Variants in GPC6 observed in about 807,000 individuals in gnomAD.
GPC6 encodes glypican-6.
GPC6 carries 14 observed loss-of-function variants against 55.2 expected under a neutral mutation model. The observed-to-expected ratio is 0.25, with a 90% CI of 0.17 to 0.40. GPC6 has a LOEUF of 0.40. Among genes scored for constraint, GPC6 ranks in the 10% least tolerant of loss-of-function variants. GPC6 has a pLI of 1.00. For synonymous variants in GPC6, 278 were observed against 259.6 expected (o/e 1.07, Z -0.68); for missense variants, 641 against 708.5 (o/e 0.90, Z 1.08).
chr13:93,508,294 TGA>T (rs1205499732), intron 1 of GPC6, among the ~76,000 whole-genome samples: 2 of 152,152 alleles, frequency 1.3e-5, no homozygotes, highest in African/African-American at 4.8e-5. Context: ...AGGGGATGTG[TGA>T]GCAGGAATTA....
chr13:93,936,793 CTATAAAT>C (rs1326482143), intron 3 of GPC6, among the ~76,000 whole-genome samples: 1 of 152,172 alleles, frequency 6.6e-6, no homozygotes, highest in Non-Finnish European at 1.5e-5. Context: ...TTTTCAGATT[CTATAAAT>C]TATCTTCAGT....
At chr13:93,292,318 G>C (rs746130466) in intron 1 of GPC6, among the ~76,000 whole-genome samples, 1 of 152,234 alleles carries the variant, frequency 6.6e-6, no homozygotes, top group East Asian at 1.9e-4. Context: ...TTCATGATTT[G>C]GTGCCCTATG....
At chr13:94,256,694 G>A (rs1014888952) in intron 4 of GPC6, among the ~76,000 whole-genome samples, 4 of 152,058 alleles carry the variant, frequency 2.6e-5, no homozygotes, top group African/African-American at 4.8e-5. Context: ...TAACCTCAAG[G>A]GTCTTAAAAT....
intron 4 of GPC6, among the ~76,000 whole-genome samples, chr13:94,117,577 T>G (rs776839377): frequency 6.6e-6 from 1 of 152,118 alleles, no homozygotes; most frequent in African/African-American, 2.4e-5. Context: ...TCCTGTTTAT[T>G]GGACTCCTTC....
At position 94,302,411 on chromosome 13, in the gene GPC6, C is replaced by G. The variant is rs1875699364; in HGVS notation, c.1009-3569C>G. On this transcript the variant is annotated intron_variant, in intron 5 of 8. Coordinates refer to ENST00000377047, the MANE Select transcript of GPC6 (RefSeq NM_005708.5). ...TATTCTTGAGGGTAGAGCCTAATCA[C>G]CTCCCAAAGGACCTACCTCCTAATT... 2.0e-5 allele frequency among the ~76,000 whole-genome samples: 3 copies of G among 152,240 alleles called. No homozygotes were observed. The South Asian group carries it at 6.2e-4, about 32-fold the overall frequency.
chr13:93,895,011 A>G (rs1424219054), intron 3 of GPC6, among the ~76,000 whole-genome samples: 2 of 151,424 alleles, frequency 1.3e-5, no homozygotes, highest in Non-Finnish European at 2.9e-5. Context: ...GTTGAGAGAA[A>G]GCCACTTTCT....
At chr13:93,621,351 C>T (rs1366152989) in intron 2 of GPC6, among the ~76,000 whole-genome samples, 1 of 152,080 alleles carries the variant, frequency 6.6e-6, no homozygotes, top group Non-Finnish European at 1.5e-5. Flanking sequence ...TTCTGAACAC[C>T]CTGTCTTTGC....
chr13:94,005,365 T>C (rs906811479), intron 3 of GPC6, among the ~76,000 whole-genome samples: 1 of 152,218 alleles, frequency 6.6e-6, no homozygotes, highest in Non-Finnish European at 1.5e-5. Context: ...TCTGCAATGA[T>C]CTGCATAAAA....
At chr13:94,253,596 G>T (rs1397138592) in intron 4 of GPC6, among the ~76,000 whole-genome samples, 1 of 152,052 alleles carries the variant, frequency 6.6e-6, no homozygotes, top group Non-Finnish European at 1.5e-5. Flanking sequence ...TTCCCAAGAT[G>T]AATCTGTAAT....
chr13:94,338,159 G>T (rs1449615544), intron 6 of GPC6, among the ~76,000 whole-genome samples: 2 of 152,166 alleles, frequency 1.3e-5, no homozygotes, highest in Non-Finnish European at 2.9e-5. Context: ...TCTCTTTTGG[G>T]TCACAGATGT....
intron 1 of GPC6, among the ~76,000 whole-genome samples, chr13:93,264,697 T>G (rs1877264266): frequency 6.6e-6 from 1 of 152,234 alleles, no homozygotes. Flanking sequence ...CACACCTGGC[T>G]ATCCTGTATA....
chr13:93,456,555 T>A (rs1420031360), intron 1 of GPC6, among the ~76,000 whole-genome samples: 1 of 152,050 alleles, frequency 6.6e-6, no homozygotes, highest in Non-Finnish European at 1.5e-5. Context: ...TGTATTCATT[T>A]GCTGGGGCTG....
At chr13:94,141,984 C>G (rs1284351408) in intron 4 of GPC6, among the ~76,000 whole-genome samples, 4 of 152,014 alleles carry the variant, frequency 2.6e-5, no homozygotes, top group Non-Finnish European at 1.5e-5. Context: ...TGAAAACTGA[C>G]CTTTTTTTTT....
At chr13:94,044,412 T>C (rs1479981794) in intron 4 of GPC6, among the ~76,000 whole-genome samples, 1 of 151,828 alleles carries the variant, frequency 6.6e-6, no homozygotes, top group African/African-American at 2.4e-5. Context: ...TTGCAAAAGT[T>C]CAAAAAAATT....
intron 4 of GPC6, among the ~76,000 whole-genome samples, chr13:94,145,064 G>C (rs900524406): frequency 5.9e-5 from 9 of 151,878 alleles, no homozygotes; most frequent in Non-Finnish European, 5.9e-5. Context: ...ATTTTTTCTT[G>C]CTTACTGCCT....
intron 1 of GPC6, among the ~76,000 whole-genome samples, chr13:93,455,629 G>T (rs537733382): frequency 6.6e-6 from 1 of 152,224 alleles, no homozygotes; most frequent in African/African-American, 2.4e-5. Flanking sequence ...GCAAGAAAAT[G>T]ATAGTCATTA....
At chr13:93,455,027 G>C (rs2813623) in intron 1 of GPC6, among the ~76,000 whole-genome samples, 1 of 152,274 alleles carries the variant, frequency 6.6e-6, no homozygotes, top group East Asian at 2.0e-4. Context: ...CCTCTGGCCC[G>C]GGTGCTAAGC....
intron 2 of GPC6, among the ~76,000 whole-genome samples, chr13:93,559,333 T>C (rs1413000356): frequency 2.0e-5 from 3 of 152,228 alleles, no homozygotes; most frequent in African/African-American, 7.2e-5. Flanking sequence ...TAAAATGTTA[T>C]ATTTCTTTCA....
intron 3 of GPC6, among the ~76,000 whole-genome samples, chr13:93,990,875 GAGAAA>G (rs1027697858): frequency 6.0e-5 from 9 of 149,220 alleles, no homozygotes; most frequent in African/African-American, 2.2e-4. Context: ...GAAAAAGAGG[GAGAAA>G]AGAAAGAAAG....
Sources: allele counts gnomAD v4.1 joint callset (sites outside exome capture counted in the v4.1 genomes callset), GRCh38; gene constraint gnomAD v4.1.1; transcripts MANE v1.5; gene names NCBI Gene and HGNC (gene_info 2026-07-23, HGNC 2026-07-21).